Variants in TJP1 observed in about 807,000 individuals in gnomAD.
TJP1 encodes tight junction protein ZO-1.
TJP1 carries 43 observed loss-of-function variants against 194.2 expected under a neutral mutation model. That is an observed-to-expected ratio of 0.22 (90% CI 0.17 to 0.29). The LOEUF (loss-of-function observed/expected upper bound fraction) is 0.29. Ranked by LOEUF, TJP1 falls within the 10% of genes least tolerant of loss-of-function variation. The pLI, the probability that TJP1 is intolerant of heterozygous loss-of-function variation, is 1.00. For missense variants in TJP1, 1,971 were observed against 2,185.7 expected, an observed-to-expected ratio of 0.90 and a Z score of 1.96; for synonymous variants, 801 against 779.0, an observed-to-expected ratio of 1.03 and a Z score of -0.47.
intron 1 of TJP1, among the ~76,000 whole-genome samples, chr15:29,965,835 C>A (rs2056314120): frequency 1.3e-5 from 2 of 152,336 alleles, no homozygotes; most frequent in South Asian, 4.1e-4. Flanking sequence ...ATAGAGCATA[C>A]CCTTCCCTTT....
intron 23 of TJP1, among the ~76,000 whole-genome samples, chr15:29,713,681 A>G (rs1396021396): frequency 6.6e-6 from 1 of 152,250 alleles, no homozygotes; most frequent in East Asian, 1.9e-4. Context: ...TCATTGGACA[A>G]GAGTATGAAA....
intron 2 of TJP1, among the ~76,000 whole-genome samples, chr15:29,781,951 G>A (rs764628286): frequency 6.6e-6 from 1 of 152,096 alleles, no homozygotes; most frequent in Non-Finnish European, 1.5e-5. Flanking sequence ...ATTCAACACA[G>A]TACTGGAAGT....
intron 9 of TJP1, 112 bp from the exon 10 acceptor site, chr15:29,741,548 C>G (rs1397277055): frequency 1.4e-6 from 1 of 692,996 alleles, no homozygotes; most frequent in Admixed American, 2.8e-5. Flanking sequence ...AGGAACATAT[C>G]TACCATATGT....
At chr15:29,846,805 A>G (rs1331059886) in intron 2 of TJP1, among the ~76,000 whole-genome samples, 2 of 152,080 alleles carry the variant, frequency 1.3e-5, no homozygotes, top group Non-Finnish European at 2.9e-5. Context: ...GGGTGCCTGT[A>G]GTCCCAGCTA....
At chr15:29,877,622 TCC>T (rs1327365221) in intron 2 of TJP1, among the ~76,000 whole-genome samples, 1 of 151,100 alleles carries the variant, frequency 6.6e-6, no homozygotes, top group Non-Finnish European at 1.5e-5. Flanking sequence ...CTCCTCCTCC[TCC>T]TTCTTCTTTC....
chr15:29,851,271 A>C (rs2051632146), intron 2 of TJP1, among the ~76,000 whole-genome samples: 1 of 152,144 alleles, frequency 6.6e-6, no homozygotes. Flanking sequence ...AAACATAAAA[A>C]ATATTAAGAC....
intron 2 of TJP1, among the ~76,000 whole-genome samples, chr15:29,933,579 T>C (rs929762875): frequency 6.6e-6 from 1 of 152,122 alleles, no homozygotes. Context: ...AAACGTCTGA[T>C]TACAGGAATG....
At chr15:29,863,023 G>C (rs759988187) in intron 2 of TJP1, among the ~76,000 whole-genome samples, 1 of 151,312 alleles carries the variant, frequency 6.6e-6, no homozygotes, top group Non-Finnish European at 1.5e-5. Context: ...GTCTGGGCAC[G>C]GTGGCTCATG....
chr15:29,799,731 T>A (rs2048659726), intron 2 of TJP1, among the ~76,000 whole-genome samples: 10 of 152,164 alleles, frequency 6.6e-5, no homozygotes, highest in Admixed American at 5.9e-4. Context: ...AACTATTTTT[T>A]AATAATTAAT....
chr15:29,842,918 T>C (rs2051276075), intron 2 of TJP1, among the ~76,000 whole-genome samples: 1 of 152,204 alleles, frequency 6.6e-6, no homozygotes, highest in African/African-American at 2.4e-5. Context: ...GCCAGCTACA[T>C]GGTGTCTACA....
At chr15:29,939,321 G>A (rs1397779712) in intron 2 of TJP1, among the ~76,000 whole-genome samples, 4 of 152,112 alleles carry the variant, frequency 2.6e-5, no homozygotes, top group East Asian at 1.9e-4. Flanking sequence ...GGCAAAGGAC[G>A]CATCTTGGCA....
At chr15:29,947,011 T>C (rs1239542772) in intron 2 of TJP1, among the ~76,000 whole-genome samples, 3 of 152,250 alleles carry the variant, frequency 2.0e-5, no homozygotes. Flanking sequence ...TTTAACCATT[T>C]GGCTGCATTT....
chr15:29,859,966 T>G (rs186731307), intron 2 of TJP1, among the ~76,000 whole-genome samples: 1 of 152,118 alleles, frequency 6.6e-6, no homozygotes, highest in African/African-American at 2.4e-5. Flanking sequence ...AAAGGAGGCC[T>G]TGTGCTGCTG....
At chr15:29,840,897 C>A (rs1226114806) in intron 2 of TJP1, among the ~76,000 whole-genome samples, 2 of 152,064 alleles carry the variant, frequency 1.3e-5, no homozygotes, top group Non-Finnish European at 2.9e-5. Flanking sequence ...GAGAGAGAAG[C>A]AGAAAAGGGG....
intron 2 of TJP1, among the ~76,000 whole-genome samples, chr15:29,793,604 G>A (rs1366672210): frequency 3.9e-5 from 6 of 152,172 alleles, no homozygotes; most frequent in South Asian, 4.1e-4. Flanking sequence ...CATGGCCAGA[G>A]TAGGAGAGAG....
At chr15:29,795,356 G>A (rs2048337485) in intron 2 of TJP1, among the ~76,000 whole-genome samples, 1 of 151,072 alleles carries the variant, frequency 6.6e-6, no homozygotes, top group African/African-American at 2.4e-5. Flanking sequence ...CGCAGAGGTT[G>A]CAGTGAGCCA....
chr15:29,862,398 C>T (rs959577003), intron 2 of TJP1, among the ~76,000 whole-genome samples: 11 of 152,114 alleles, frequency 7.2e-5, no homozygotes, highest in Admixed American at 6.6e-5. Context: ...AGAGAAAAGC[C>T]TGCTTAACTG....
chr15:29,724,734 G>A (rs1489614694), intron 18 of TJP1, among the ~76,000 whole-genome samples: 2 of 152,198 alleles, frequency 1.3e-5, no homozygotes, highest in Non-Finnish European at 2.9e-5. Context: ...TACTTGAAGA[G>A]AAGAGGACAG....
At chr15:29,800,066 T>C (rs1054519789) in intron 2 of TJP1, among the ~76,000 whole-genome samples, 3 of 152,196 alleles carry the variant, frequency 2.0e-5, no homozygotes, top group African/African-American at 7.2e-5. Context: ...CGAAGGTGAC[T>C]GAATCACTTC....
Sources: allele counts gnomAD v4.1 joint callset (sites outside exome capture counted in the v4.1 genomes callset), GRCh38; gene constraint gnomAD v4.1.1; transcripts MANE v1.5; gene names NCBI Gene and HGNC (gene_info 2026-07-23, HGNC 2026-07-21).